The following ADAM2 variants were observed in gnomAD, a reference collection of about 807,000 sequenced individuals.
ADAM2 encodes the protein ADAM metallopeptidase domain 2, also known as disintegrin and metalloproteinase domain-containing protein 2.
ADAM2 carries 101 observed loss-of-function variants against 99.3 expected under a neutral mutation model. The ratio of observed to expected loss-of-function variants is 1.02; its 90% CI spans 0.87 to 1.20. The LOEUF (loss-of-function observed/expected upper bound fraction) is 1.20. ADAM2 is among the 50% of genes most tolerant of loss of function. The pLI is 0.00. For synonymous variants in ADAM2, 323 were observed against 287.6 expected (o/e 1.12, Z -1.25); for missense variants, 948 against 878.7 (o/e 1.08, Z -1.00).
chr8:39,802,417 C>A (rs372884922), intron 7 of ADAM2, among the ~76,000 whole-genome samples: 1 of 152,148 alleles, frequency 6.6e-6, no homozygotes, highest in Non-Finnish European at 1.5e-5. Flanking sequence ...TGCTTCAAGT[C>A]GGCCATCTTG....
At chr8:39,761,375 T>G (rs1802365569) in intron 14 of ADAM2, 94 bp from the exon 15 acceptor site, 4 of 619,016 alleles carry the variant, frequency 6.5e-6, no homozygotes, top group South Asian at 3.4e-5. Flanking sequence ...GTTTAAGATA[T>G]TCATTGTACA....
At position 39,785,258 on chromosome 8, in the gene ADAM2, C is replaced by A. The variant is rs557685748; in HGVS notation, c.891+1716G>T. On this transcript the variant is annotated intron_variant, in intron 10 of 20. Transcript: ENST00000265708. ...TGAAAGGAAGGCATCTAGTTTTATTCTTCTGTGTATGGCTAACCAGCTAAT... is the reference window on the plus strand; with the variant it reads ...TGAAAGGAAGGCATCTAGTTTTATTATTCTGTGTATGGCTAACCAGCTAAT... 3.3e-5 allele frequency among the ~76,000 whole-genome samples: 5 copies of A among 152,136 alleles called. No individual in the cohort carries two copies. In the South Asian group the frequency reaches 1.0e-3, roughly 31 times the overall value.
intron 7 of ADAM2, among the ~76,000 whole-genome samples, chr8:39,799,067 C>A (rs1174336600): frequency 2.0e-5 from 3 of 152,012 alleles, no homozygotes; most frequent in Admixed American, 1.3e-4. Flanking sequence ...TTAGTTATTT[C>A]TTGTCTTCTG....
At chr8:39,807,420 G>T (rs957607714) in intron 7 of ADAM2, among the ~76,000 whole-genome samples, 2 of 152,122 alleles carry the variant, frequency 1.3e-5, no homozygotes, top group Non-Finnish European at 2.9e-5. Context: ...CATTTTGTCT[G>T]GGAGAAGGAC....
intron 16 of ADAM2, among the ~76,000 whole-genome samples, chr8:39,752,060 T>G (rs1332696994): frequency 6.6e-6 from 1 of 152,176 alleles, no homozygotes; most frequent in African/African-American, 2.4e-5. Flanking sequence ...ACTCTTTTTT[T>G]AAAGGCATAG....
intron 14 of ADAM2, among the ~76,000 whole-genome samples, chr8:39,764,729 A>T (rs1252532278): frequency 6.6e-6 from 1 of 152,068 alleles, no homozygotes; most frequent in East Asian, 1.9e-4. Flanking sequence ...AATGCTGCAC[A>T]CAGGCCAGGC....
intron 19 of ADAM2, among the ~76,000 whole-genome samples, chr8:39,745,885 A>T (rs1451782405): frequency 5.9e-5 from 9 of 152,118 alleles, no homozygotes; most frequent in African/African-American, 1.9e-4. Flanking sequence ...ATAAACTTTA[A>T]ACTTGAATGG....
chr8:39,760,523 C>T (rs888550237), intron 15 of ADAM2, among the ~76,000 whole-genome samples: 1 of 152,010 alleles, frequency 6.6e-6, no homozygotes, highest in African/African-American at 2.4e-5. Flanking sequence ...AGATCAAGAC[C>T]ATCCTGGCTA....
rs72642845 is a variant in ADAM2 at position 39,805,439 on chromosome 8, G to A, written c.570+3971C>T. On this transcript the variant is annotated intron_variant, in intron 7 of 20. Transcript: ENST00000265708. ...GTGAGACTCCTGAAATGGTAAAAAC[G>A]ATAAGCTCTGCAAATCCTTTGCACA... 5.3e-3 allele frequency among the ~76,000 whole-genome samples: 805 copies of A among 152,218 alleles called. 8 individuals carry two copies. Among genetic ancestry groups the A allele is most frequent in the Non-Finnish European group, 7.4e-3 (505 of 68,002 alleles).
At chr8:39,832,392 A>C (rs1167469141) in intron 3 of ADAM2, among the ~76,000 whole-genome samples, 1 of 152,198 alleles carries the variant, frequency 6.6e-6, no homozygotes, top group Non-Finnish European at 1.5e-5. Context: ...GACCAATAAC[A>C]ATAGCCACTA....
rs548821848 is a variant in ADAM2 at position 39,834,884 on chromosome 8, G to T, written c.133-885C>A. Among the ~76,000 whole-genome samples, 13 of 152,008 alleles carry T rather than the reference G, an allele frequency of 8.6e-5. No individual in the cohort carries two copies. In the South Asian group the frequency reaches 1.0e-3, roughly 12 times the overall value. On this transcript the variant is annotated intron_variant, in intron 2 of 20. Transcript: ENST00000265708. ...AGTTTTTAACCAAGAAAGGATGTTA[G>T]ACTTTGTGGAATGCTTTTTCTGGGT...
At chr8:39,767,089 A>T in intron 13 of ADAM2, 46 bp from the exon 14 acceptor site, 1 of 1,601,246 alleles carries the variant, frequency 6.2e-7, no homozygotes, top group Non-Finnish European at 8.5e-7. Context: ...GAATGAGAAT[A>T]CATAAGCATA....
At chr8:39,820,611 G>A (rs1805135383) in intron 6 of ADAM2, among the ~76,000 whole-genome samples, 1 of 152,050 alleles carries the variant, frequency 6.6e-6, no homozygotes, top group Non-Finnish European at 1.5e-5. Flanking sequence ...CTCCCCTGAG[G>A]CAGTTCCCTT....
rs184695811 is a variant in ADAM2 at position 39,769,249 on chromosome 8, G to A, written c.1212+143C>T. On this transcript the variant is annotated intron_variant, in intron 12 of 20. Transcript: ENST00000265708. ...CCAATATATATAAGTGCACTCATTA[G>A]TTGTTATAATACCTACATGCCCTCC... 3 of 617,146 alleles carry A rather than the reference G, an allele frequency of 4.9e-6. No homozygotes were observed. In the East Asian group the frequency reaches 8.2e-5, roughly 17 times the overall value. 38.2% of individuals were successfully genotyped at this position (617,146 alleles called of 1,614,324 possible). A position where few individuals can be genotyped will look rare whatever the true frequency, so the allele number is the denominator to read the frequency against.
chr8:39,798,283 T>C (rs923999706), intron 7 of ADAM2, among the ~76,000 whole-genome samples: 7 of 152,234 alleles, frequency 4.6e-5, no homozygotes, highest in African/African-American at 1.7e-4. Flanking sequence ...CTATTCTGCA[T>C]CTAGTGAGAT....
intron 6 of ADAM2, among the ~76,000 whole-genome samples, chr8:39,813,565 A>G (rs1804790488): frequency 6.6e-6 from 1 of 152,240 alleles, no homozygotes; most frequent in Non-Finnish European, 1.5e-5. Flanking sequence ...TGTGGCACAT[A>G]CACACCATGG....
chr8:39,762,463 T>C (rs868445903), intron 14 of ADAM2, among the ~76,000 whole-genome samples: 1 of 152,202 alleles, frequency 6.6e-6, no homozygotes, highest in Non-Finnish European at 1.5e-5. Context: ...CAAGAGAAAC[T>C]ACTGAAAGAC....
intron 6 of ADAM2, among the ~76,000 whole-genome samples, chr8:39,819,853 A>G (rs1805105859): frequency 1.5e-5 from 1 of 68,940 alleles, no homozygotes; most frequent in African/African-American, 5.9e-5. Context: ...ACACATATAT[A>G]TCTCCTATTG....
chr8:39,757,835 A>G lies in ADAM2; in HGVS notation c.1614-1924T>C, dbSNP rs562193921. Among the ~76,000 whole-genome samples, 12 of 152,344 alleles carry G rather than the reference A, an allele frequency of 7.9e-5. No individual in the cohort carries two copies. The South Asian group carries it at 2.3e-3, about 29-fold the overall frequency. On this transcript the variant is annotated intron_variant, in intron 15 of 20. Coordinates refer to ENST00000265708, the MANE Select transcript of ADAM2 (RefSeq NM_001464.5). ...TAAGAAATATGCTAAACACACATAG[A>G]AAAAGTAAAATATAACATAGAGGGC...
Sources: allele counts gnomAD v4.1 joint callset (sites outside exome capture counted in the v4.1 genomes callset), GRCh38; gene constraint gnomAD v4.1.1; transcripts MANE v1.5; gene names NCBI Gene and HGNC (gene_info 2026-07-23, HGNC 2026-07-21).